Variants in STAT1 observed in about 807,000 individuals in gnomAD.
STAT1 encodes signal transducer and activator of transcription 1.
Under a neutral mutation model 111.7 loss-of-function variants are expected in STAT1, and 24 were observed. That is an observed-to-expected ratio of 0.21 (90% CI 0.16 to 0.30). STAT1 has a LOEUF of 0.30. Among genes scored for constraint, STAT1 ranks in the 10% least tolerant of loss-of-function variants. The pLI is 1.00. For missense variants in STAT1, 351 were observed against 911.9 expected (o/e 0.38, Z 7.92); for synonymous variants, 332 against 326.5 (o/e 1.02, Z -0.18).
Position 190,996,097 on chromosome 2 carries a change from G to A in STAT1, c.786-878C>T, listed in dbSNP as rs1018614941. Among the ~76,000 whole-genome samples the A allele has an allele frequency of 6.6e-6, 1 of 152,118 alleles. No individual in the cohort carries two copies. The highest frequency in any genetic ancestry group is 2.4e-5 in the African/African-American group (1 of 41,418). The stretch of plus-strand genomic sequence containing the variant: ...AGGCCGGGGACAGGAAGAGAGGAAG[G>A]AATGATGATTCTGGTTTCACTCAAC... On this transcript the variant is annotated intron_variant, in intron 9 of 24. Transcript: ENST00000361099. This position sits in a 1 kb window ranked among gnomAD's most constrained non-coding sequence, Gnocchi z 4.5.
chr2:191,009,180 G>C (rs1694937337), intron 3 of STAT1, 73 bp from the exon 4 acceptor site: 1 of 1,527,342 alleles, frequency 6.5e-7, no homozygotes, highest in Admixed American at 1.8e-5. Flanking sequence ...ACAAATGTTG[G>C]TTTCCTTATT....
Position 190,984,530 on chromosome 2 carries a change from A to G in STAT1, c.1264-137T>C. ...GGCAAGTCTGAAGACTCAATATTCA[A>G]TCTCTCCCAGATTTAATGATTCTTA... On this transcript the variant is annotated intron_variant, in intron 15 of 24. Transcript: ENST00000361099. The surrounding 1 kb of genome is among the most constrained non-coding windows in gnomAD (Gnocchi z 5.2). The G allele has an allele frequency of 1.4e-6, 1 of 715,044 alleles. No homozygotes were observed. The highest frequency in any genetic ancestry group is 1.6e-5 in the South Asian group (1 of 62,232). The allele number at this position is 715,044 out of a possible 1,614,324, so 44.3% of individuals were successfully genotyped here.
rs777989690 is a variant in STAT1 at position 190,984,385 on chromosome 2, G to A, written c.1272C>T (p.Leu424=). The change falls in exon 16 of 25, where the codon CTC becomes CTT. Residue 424 remains leucine, a synonymous_variant. Transcript: ENST00000361099. The surrounding 1 kb of genome is among the most constrained non-coding windows in gnomAD (Gnocchi z 5.2). The part of the protein sequence containing the change: ...NAGTRTNEGP[L]IVTEELHSLS... Reference sequence around the variant, plus strand: ...GGGAGTGAAGCTCTTCAGTAACGATGAGAGGACCCTTGGAAGAGAAAAGGA... The same window carrying A: ...GGGAGTGAAGCTCTTCAGTAACGATAAGAGGACCCTTGGAAGAGAAAAGGA... 1.9e-6 allele frequency: 3 copies of A among 1,613,538 alleles called. No individual in the cohort carries two copies. Among genetic ancestry groups the A allele is most frequent in the Admixed American group, 1.7e-5 (1 of 60,024 alleles).
chr2:190,980,740 C>A lies in STAT1; in HGVS notation c.1583-71G>T. On this transcript the variant is annotated intron_variant, in intron 18 of 24. Coordinates refer to ENST00000361099, the MANE Select transcript of STAT1 (RefSeq NM_007315.4). This position sits in a 1 kb window ranked among gnomAD's most constrained non-coding sequence, Gnocchi z 6.1. ...TAAAGCTTTGGTTGGACGGATGGCT[C>A]TTGTATTTGCTCTCAAGGAAAAGAG... 2 of 1,459,882 alleles carry A rather than the reference C, an allele frequency of 1.4e-6. No homozygotes were observed. Among genetic ancestry groups the A allele is most frequent in the Non-Finnish European group, 1.9e-6 (2 of 1,042,398 alleles). The allele number at this position is 1,459,882 out of a possible 1,614,324, so 90.4% of individuals were successfully genotyped here.
chr2:190,976,485 T>C lies in STAT1; in HGVS notation c.2059+355A>G, dbSNP rs772578764. Reference sequence around the variant, plus strand: ...GGCCACCCTAAATGAACCACTTCACTTCTCCCAGGCCTCAGTTTCCTCAAC... The same window carrying C: ...GGCCACCCTAAATGAACCACTTCACCTCTCCCAGGCCTCAGTTTCCTCAAC... On this transcript the variant is annotated intron_variant, in intron 22 of 24. Transcript: ENST00000361099. The surrounding 1 kb of genome is among the most constrained non-coding windows in gnomAD (Gnocchi z 6.0). Among the ~76,000 whole-genome samples, 3 of 152,196 alleles carry C rather than the reference T, an allele frequency of 2.0e-5. No individual in the cohort carries two copies. The highest frequency in any genetic ancestry group is 1.3e-4 in the Admixed American group (2 of 15,274).
intron 3 of STAT1, 22 bp from the exon 4 acceptor site, chr2:191,009,129 C>T: frequency 6.2e-7 from 1 of 1,613,828 alleles, no homozygotes; most frequent in Non-Finnish European, 8.5e-7. Context: ...AACATTTACA[C>T]ATTTCATTCT....
In STAT1 at chr2:191,007,323, A is replaced by T. The variant is rs563932840; in HGVS notation, c.372+240T>A. ...CAGCATGTTATCTTCTCAGCACTTT[A>T]TGCTACCCAGAAGTATCTTGTTTAT... is the stretch of plus-strand genomic sequence containing the variant. On this transcript the variant is annotated intron_variant, in intron 5 of 24. Coordinates refer to ENST00000361099, the MANE Select transcript of STAT1 (RefSeq NM_007315.4). This position sits in a 1 kb window ranked among gnomAD's most constrained non-coding sequence, Gnocchi z 4.2. Among the ~76,000 whole-genome samples, 185 of 152,248 alleles carry T rather than the reference A, an allele frequency of 1.2e-3. No individual in the cohort carries two copies. Among genetic ancestry groups the T allele is most frequent in the Middle Eastern group, 6.8e-3 (2 of 294 alleles).
Position 190,993,037 on chromosome 2 carries a change from A to T in STAT1, c.945-1717T>A. On this transcript the variant is annotated intron_variant, in intron 10 of 24. Transcript: ENST00000361099. The surrounding 1 kb of genome is among the most constrained non-coding windows in gnomAD (Gnocchi z 4.1). Reference sequence around the variant, plus strand: ...ACTCCTGACCTCAGGTGATCCACCCACCTCGGCCTCCCAAAGTGCTGGGAT... The same window carrying T: ...ACTCCTGACCTCAGGTGATCCACCCTCCTCGGCCTCCCAAAGTGCTGGGAT... The T allele has an allele frequency of 1.3e-5, 4 of 307,728 alleles. No homozygotes were observed. Among genetic ancestry groups the T allele is most frequent in the South Asian group, 3.1e-5 (1 of 32,612 alleles). 19.1% of individuals were successfully genotyped at this position (307,728 alleles called of 1,614,324 possible).
Position 190,980,765 on chromosome 2 carries a change from G to T in STAT1, c.1583-96C>A. ...CTTGTATTTGCTCTCAAGGAAAAGAGCCAAACACCCAACAAAGATTGTATG... is the reference window on the plus strand; with the variant it reads ...CTTGTATTTGCTCTCAAGGAAAAGATCCAAACACCCAACAAAGATTGTATG... On this transcript the variant is annotated intron_variant, in intron 18 of 24. Transcript: ENST00000361099. The surrounding 1 kb of genome is among the most constrained non-coding windows in gnomAD (Gnocchi z 6.1). 1 of 1,200,876 alleles carries T rather than the reference G, an allele frequency of 8.3e-7. No individual in the cohort carries two copies. Among genetic ancestry groups the T allele is most frequent in the Non-Finnish European group, 1.2e-6 (1 of 813,666 alleles). 74.4% of individuals were successfully genotyped at this position (1,200,876 alleles called of 1,614,324 possible). A position where few individuals can be genotyped will look rare whatever the true frequency, so the allele number is the denominator to read the frequency against.
chr2:191,001,146 A>C lies in STAT1; in HGVS notation c.390T>G (p.Ile130Met). 6.2e-7 allele frequency: 1 copy of C among 1,613,922 alleles called. No homozygotes were observed. Among genetic ancestry groups the C allele is most frequent in the Non-Finnish European group, 8.5e-7 (1 of 1,179,792 alleles). ...QRFNQAQSGN[I>M]QSTVMLDKQK... ...GTTTGTCTAACATCACTGTGCTCTG[A>C]ATATTCCCCGACTGAGCCTGTAATG... The change falls in exon 6 of 25, where the codon ATT (isoleucine) becomes ATG (methionine). Residue 130 changes from isoleucine (I) to methionine (M), a missense_variant. This residue lies in a region of STAT1 where 20 missense variants were observed against 18.4 expected (regional missense o/e 1.09). Transcript: ENST00000361099.
Position 190,970,525 on chromosome 2 carries a change from G to A in STAT1, c.*178C>T. 2.8e-6 allele frequency: 2 copies of A among 712,554 alleles called. No individual in the cohort carries two copies. The highest frequency in any genetic ancestry group is 3.0e-5 in the South Asian group (2 of 66,300). The allele number at this position is 712,554 out of a possible 1,614,324, so 44.1% of individuals were successfully genotyped here. On this transcript the variant is annotated 3_prime_UTR_variant, in exon 25 of 25. Transcript: ENST00000361099. The surrounding 1 kb of genome is among the most constrained non-coding windows in gnomAD (Gnocchi z 5.4). ...TCAGTAAGATGCATGATGCCCTTCA[G>A]AGTAACTGATGTTTCTGAGTTAGAG...
rs924899498 is a variant in STAT1, at chr2:190,971,239, T to G, written c.2239-522A>C. ...CAGCTGCCTTGACCAGGACAACTTA[T>G]AGTAAGTAAACTGTTCATCCAAAGG... On this transcript the variant is annotated intron_variant, in intron 24 of 24. Coordinates refer to ENST00000361099, the MANE Select transcript of STAT1 (RefSeq NM_007315.4). The surrounding 1 kb of genome is among the most constrained non-coding windows in gnomAD (Gnocchi z 4.1). 6.6e-6 allele frequency among the ~76,000 whole-genome samples: 1 copy of G among 152,190 alleles called. No individual in the cohort carries two copies. The highest frequency in any genetic ancestry group is 1.5e-5 in the Non-Finnish European group (1 of 68,024).
chr2:190,982,621 T>G lies in STAT1; in HGVS notation c.1447-103A>C, dbSNP rs1039647060. On this transcript the variant is annotated intron_variant, in intron 17 of 24. Coordinates refer to ENST00000361099, the MANE Select transcript of STAT1 (RefSeq NM_007315.4). This position sits in a 1 kb window ranked among gnomAD's most constrained non-coding sequence, Gnocchi z 7.3. The stretch of plus-strand genomic sequence containing the variant: ...TCCCAAAGTTCAATTCTAGTTTATA[T>G]GACACACAGGTGCTTTCACAGTAGG... The G allele has an allele frequency of 5.4e-6, 7 of 1,292,964 alleles. No individual in the cohort carries two copies. The highest frequency in any genetic ancestry group is 1.9e-4 in the Middle Eastern group (1 of 5,254). 80.1% of individuals were successfully genotyped at this position (1,292,964 alleles called of 1,614,324 possible). A position where few individuals can be genotyped will look rare whatever the true frequency, so the allele number is the denominator to read the frequency against.
chr2:191,008,908 C>A lies in STAT1; in HGVS notation c.273+55G>T, dbSNP rs539317622. 1.1e-5 allele frequency: 18 copies of A among 1,592,494 alleles called. 1 individual carries two copies. In the South Asian group the frequency reaches 1.9e-4, roughly 17 times the overall value. On this transcript the variant is annotated intron_variant, in intron 4 of 24. Coordinates refer to ENST00000361099, the MANE Select transcript of STAT1 (RefSeq NM_007315.4). The stretch of plus-strand genomic sequence containing the variant: ...AATTGTATTTGCTGAATGAAGAAAA[C>A]TGCCTTCCATAAACATGAGAACATT...
chr2:190,980,493 G>T lies in STAT1; in HGVS notation c.1632+127C>A. 2.7e-6 allele frequency: 3 copies of T among 1,108,230 alleles called. No individual in the cohort carries two copies. The highest frequency in any genetic ancestry group is 2.8e-6 in the Non-Finnish European group (2 of 727,014). The allele number at this position is 1,108,230 out of a possible 1,614,324, so 68.6% of individuals were successfully genotyped here. ...GAAAAGTAAACAACTTGCCCGAGGGGCTCCTTGGCCAGAGAAGAACACGCC... is the reference window on the plus strand; with the variant it reads ...GAAAAGTAAACAACTTGCCCGAGGGTCTCCTTGGCCAGAGAAGAACACGCC... On this transcript the variant is annotated intron_variant, in intron 19 of 24. Coordinates refer to ENST00000361099, the MANE Select transcript of STAT1 (RefSeq NM_007315.4). This position sits in a 1 kb window ranked among gnomAD's most constrained non-coding sequence, Gnocchi z 6.1.
chr2:190,985,665 A>G lies in STAT1; in HGVS notation c.1222-5T>C, dbSNP rs191364028. ...ATTTTTCTGTTCTTTCAATTGCTAT[A>G]AAACAAATAATCATCTTAGTAAACA... On this transcript the variant is annotated splice_polypyrimidine_tract_variant and splice_region_variant and intron_variant, in intron 14 of 24. Coordinates refer to ENST00000361099, the MANE Select transcript of STAT1 (RefSeq NM_007315.4). 3,060 of 1,614,042 alleles carry G rather than the reference A, an allele frequency of 1.9e-3. 4 individuals carry two copies. The highest frequency in any genetic ancestry group is 2.6e-3 in the Admixed American group (157 of 60,032).
rs1692290096 is a variant in STAT1, at chr2:190,980,464, T to C, written c.1632+156A>G. Among the ~76,000 whole-genome samples the C allele has an allele frequency of 6.6e-6, 1 of 152,164 alleles. No homozygotes were observed. The highest frequency in any genetic ancestry group is 6.5e-5 in the Admixed American group (1 of 15,272). ...CTGCTCGGAGACCAACCTCCTGCAC[T>C]GAAGAAAAGTAAACAACTTGCCCGA... On this transcript the variant is annotated intron_variant, in intron 19 of 24. Transcript: ENST00000361099. The surrounding 1 kb of genome is among the most constrained non-coding windows in gnomAD (Gnocchi z 6.1).
chr2:191,000,408 G>A lies in STAT1; in HGVS notation c.462+666C>T, dbSNP rs1694182620. ...ATGCTGTCTGAAGCATGTAAGTCAA[G>A]GCCATACTGCTATTACCCAGAGATC... On this transcript the variant is annotated intron_variant, in intron 6 of 24. Coordinates refer to ENST00000361099, the MANE Select transcript of STAT1 (RefSeq NM_007315.4). The surrounding 1 kb of genome is among the most constrained non-coding windows in gnomAD (Gnocchi z 4.8). Among the ~76,000 whole-genome samples the A allele has an allele frequency of 6.6e-6, 1 of 152,268 alleles. No homozygotes were observed. The highest frequency in any genetic ancestry group is 2.1e-4 in the South Asian group (1 of 4,832).
Position 190,987,020 on chromosome 2 carries a change from C to T in STAT1, c.1127+19G>A, listed in dbSNP as rs368077093. The stretch of plus-strand genomic sequence containing the variant: ...TAAATAAAAATATAGCACAGTATAG[C>T]GTAAAGTACGTCACGTACCCTTTTA... On this transcript the variant is annotated intron_variant, in intron 13 of 24. Coordinates refer to ENST00000361099, the MANE Select transcript of STAT1 (RefSeq NM_007315.4). This position sits in a 1 kb window ranked among gnomAD's most constrained non-coding sequence, Gnocchi z 4.0. 93 of 1,611,166 alleles carry T rather than the reference C, an allele frequency of 5.8e-5. No homozygotes were observed. Among genetic ancestry groups the T allele is most frequent in the Middle Eastern group, 3.4e-4 (2 of 5,916 alleles).
Sources: gnomAD v4.1 joint callset for allele counts (sites outside exome capture counted in the v4.1 genomes callset) on GRCh38, gnomAD v4.1.1 for gene constraint, gnomAD v4.1.1 regional missense constraint, Gnocchi (gnomAD v3.1) non-coding constraint, MANE v1.5 for transcripts, NCBI Gene and HGNC (gene_info 2026-07-23, HGNC 2026-07-21) for gene names.